The following DDX10 variants were observed in gnomAD, a reference collection of about 807,000 sequenced individuals.
DDX10 encodes DEAD-box helicase 10.
DDX10 carries 74 observed loss-of-function variants against 104.3 expected under a neutral mutation model. The observed-to-expected ratio is 0.71, with a 90% confidence interval of 0.59 to 0.86. The LOEUF (loss-of-function observed/expected upper bound fraction) is 0.86. DDX10 is among the 40% of genes least tolerant of loss of function. The pLI, the probability that DDX10 is intolerant of heterozygous loss-of-function variation, is 0.00. For missense variants in DDX10, 952 were observed against 1,040.0 expected (o/e 0.92, Z 1.16); for synonymous variants, 351 against 353.4 (o/e 0.99, Z 0.08).
At chr11:108,922,575 GC>G (rs1259023734) in intron 17 of DDX10, among the ~76,000 whole-genome samples, 5 of 152,228 alleles carry the variant, frequency 3.3e-5, no homozygotes, top group African/African-American at 1.2e-4. Flanking sequence ...CTCAGGGAGG[GC>G]TGACAGGGTT....
At chr11:108,780,499 T>C (rs747169695) in intron 13 of DDX10, among the ~76,000 whole-genome samples, 9 of 152,162 alleles carry the variant, frequency 5.9e-5, no homozygotes, top group Non-Finnish European at 1.3e-4. Context: ...TTGGTTTGTT[T>C]CCAGTTTAGC....
At chr11:108,797,738 A>T (rs1289072550) in intron 13 of DDX10, among the ~76,000 whole-genome samples, 1 of 152,236 alleles carries the variant, frequency 6.6e-6, no homozygotes, top group East Asian at 1.9e-4. Flanking sequence ...AAGTAACACA[A>T]CAGTGGTTAT....
intron 16 of DDX10, among the ~76,000 whole-genome samples, chr11:108,865,996 T>C (rs1863003947): frequency 1.3e-5 from 2 of 152,200 alleles, no homozygotes; most frequent in Admixed American, 1.3e-4. Flanking sequence ...GCTAATTCCA[T>C]GGGGAGTTTA....
chr11:108,936,483 T>G (rs1864039214), intron 17 of DDX10, among the ~76,000 whole-genome samples: 1 of 152,018 alleles, frequency 6.6e-6, no homozygotes, highest in Admixed American at 6.6e-5. Context: ...TACAGGCTCA[T>G]TACAGAAAAA....
chr11:108,870,546 C>T (rs1421540212), intron 16 of DDX10, among the ~76,000 whole-genome samples: 1 of 152,152 alleles, frequency 6.6e-6, no homozygotes, highest in Non-Finnish European at 1.5e-5. Context: ...CAGATTCTGG[C>T]CTTCGCTCTT....
intron 16 of DDX10, among the ~76,000 whole-genome samples, chr11:108,884,974 A>G (rs1863275951): frequency 6.6e-6 from 1 of 152,158 alleles, no homozygotes; most frequent in South Asian, 2.1e-4. Flanking sequence ...TTCCATCATG[A>G]TTTTGTGAAA....
intron 13 of DDX10, among the ~76,000 whole-genome samples, chr11:108,811,553 C>T (rs1862180701): frequency 6.6e-6 from 1 of 152,116 alleles, no homozygotes; most frequent in African/African-American, 2.4e-5. Flanking sequence ...GCATATAGCA[C>T]ATAATTAAAT....
At chr11:108,689,768 A>G (rs1046189198) in intron 7 of DDX10, among the ~76,000 whole-genome samples, 3 of 152,164 alleles carry the variant, frequency 2.0e-5, no homozygotes, top group Admixed American at 6.5e-5. Context: ...CAGATTCCCA[A>G]TGACTTAATA....
intron 13 of DDX10, among the ~76,000 whole-genome samples, chr11:108,744,562 G>A (rs553461787): frequency 3.5e-4 from 53 of 152,276 alleles, no homozygotes; most frequent in African/African-American, 1.2e-3. Flanking sequence ...GTATTTGGGA[G>A]TGTTAGTTGA....
In DDX10 at chr11:108,721,463, G is replaced by C. The variant is rs150483769; in HGVS notation, c.1500-1534G>C. On this transcript the variant is annotated intron_variant, in intron 12 of 17. Transcript: ENST00000322536. ...GATTTGACCTACCTTGATATTAGCA[G>C]ATAGGAAAGGCACAGGTCTTTAACA... Among the ~76,000 whole-genome samples the C allele has an allele frequency of 1.3e-3, 203 of 152,284 alleles. 1 individual carries two copies. Among genetic ancestry groups the C allele is most frequent in the African/African-American group, 4.7e-3 (195 of 41,556 alleles).
intron 13 of DDX10, among the ~76,000 whole-genome samples, chr11:108,778,205 T>C (rs547379880): frequency 3.4e-4 from 52 of 152,238 alleles, no homozygotes; most frequent in African/African-American, 1.2e-3. Context: ...TTAAAGTTCA[T>C]ATGGAACCAA....
At position 108,852,208 on chromosome 11, in the gene DDX10, A is replaced by G. The variant is rs756549312; in HGVS notation, c.2303A>G (p.Lys768Arg). 7.5e-6 allele frequency: 12 copies of G among 1,609,808 alleles called. No homozygotes were observed. In the South Asian group the frequency reaches 1.2e-4, roughly 16 times the overall value. The change falls in exon 16 of 18, where the codon AAG becomes AGG. Residue 768 changes from lysine (K) to arginine (R), a missense_variant and splice_region_variant. This residue lies in a region of DDX10 where 533 missense variants were observed against 534.1 expected (regional missense o/e 1.00). Coordinates refer to ENST00000322536, the MANE Select transcript of DDX10 (RefSeq NM_004398.4). ...AGAGAAGCCAACAAGAGACAAGCAA[A>G]GGTAAGGGTTTATATACATTTATTT... is the stretch of plus-strand genomic sequence containing the variant. Reference protein sequence around the residue: ...ARREANKRQAKAKDEEEAFLD... With the variant: ...ARREANKRQARAKDEEEAFLD...
intron 13 of DDX10, among the ~76,000 whole-genome samples, chr11:108,807,682 C>G (rs567067287): frequency 2.0e-5 from 3 of 152,062 alleles, no homozygotes; most frequent in Non-Finnish European, 4.4e-5. Context: ...TTCTAGGCCT[C>G]TAGGTGAAAA....
chr11:108,752,899 G>A (rs1309753470), intron 13 of DDX10, among the ~76,000 whole-genome samples: 1 of 152,028 alleles, frequency 6.6e-6, no homozygotes, highest in Non-Finnish European at 1.5e-5. Context: ...GCTAGATTTC[G>A]AGCCACTGCT....
chr11:108,673,268 C>A (rs1655709432), intron 1 of DDX10, among the ~76,000 whole-genome samples, 199 bp from the exon 2 acceptor site: 1 of 152,050 alleles, frequency 6.6e-6, no homozygotes, highest in Non-Finnish European at 1.5e-5. Flanking sequence ...AATTGAAATG[C>A]TTACAAATGT....
chr11:108,917,794 C>T, intron 16 of DDX10, 79 bp from the exon 17 acceptor site: 2 of 1,402,642 alleles, frequency 1.4e-6, no homozygotes, highest in Non-Finnish European at 2.0e-6. Context: ...GAGGGATATC[C>T]ATTGGGGTCT....
intron 16 of DDX10, among the ~76,000 whole-genome samples, chr11:108,870,680 T>C (rs1863068360): frequency 2.0e-5 from 3 of 152,218 alleles, no homozygotes; most frequent in African/African-American, 7.2e-5. Context: ...TCTTATCCTG[T>C]ATTCTCTTAC....
At chr11:108,775,465 C>T (rs1394048773) in intron 13 of DDX10, among the ~76,000 whole-genome samples, 1 of 152,150 alleles carries the variant, frequency 6.6e-6, no homozygotes, top group Non-Finnish European at 1.5e-5. Flanking sequence ...AGAATTTATG[C>T]TAAGCCTTGG....
intron 17 of DDX10, among the ~76,000 whole-genome samples, chr11:108,926,975 A>G (rs985488958): frequency 2.0e-5 from 3 of 152,224 alleles, no homozygotes; most frequent in African/African-American, 7.2e-5. Flanking sequence ...CTCAGGCGCT[A>G]AATTCTTGTC....
Sources: allele counts gnomAD v4.1 joint callset (sites outside exome capture counted in the v4.1 genomes callset), GRCh38; gene constraint gnomAD v4.1.1; regional missense constraint gnomAD v4.1.1; transcripts MANE v1.5; gene names NCBI Gene and HGNC (gene_info 2026-07-23, HGNC 2026-07-21).